The following RGS22 variants were observed in gnomAD, a reference collection of about 807,000 sequenced individuals.
RGS22 encodes regulator of G-protein signaling 22.
In RGS22, 148 loss-of-function variants were observed where a neutral mutation model predicts 172.9. The observed-to-expected ratio is 0.86, with a 90% confidence interval of 0.75 to 0.98. The LOEUF (loss-of-function observed/expected upper bound fraction) is 0.98, where lower values mean the gene tolerates loss of function less well. Among genes scored for constraint, RGS22 ranks in the 50% least tolerant of loss-of-function variants. The pLI is 0.00. For missense variants in RGS22, 1,347 were observed against 1,440.8 expected (o/e 0.93, Z 1.05); for synonymous variants, 458 against 480.2 (o/e 0.95, Z 0.60).
rs1195585282 is a variant in RGS22 at position 100,052,865 on chromosome 8, T to C, written c.1626A>G (p.Pro542=). The stretch of plus-strand genomic sequence containing the variant: ...TTAATGGCAAGAGGGTTGCCATTTG[T>C]GGAAAAGGGTCAATATCCTTCCTTG... ...AKPRKDIDPF[P]QMATLLPLRP... is the part of the protein sequence containing the mutation. The change falls in exon 10 of 28, where the codon CCA becomes CCG. Residue 542 remains proline (P), a synonymous_variant. Coordinates refer to ENST00000360863, the MANE Select transcript of RGS22 (RefSeq NM_015668.5). 2.5e-6 allele frequency: 4 copies of C among 1,614,022 alleles called. No homozygotes were observed. The Admixed American group carries it at 5.0e-5, about 20-fold the overall frequency.
At chr8:99,976,667 C>T (rs13256631) in intron 23 of RGS22, among the ~76,000 whole-genome samples, 6,851 of 152,254 alleles carry the variant, frequency 0.045, 236 homozygotes, top group Middle Eastern at 0.14. Context: ...GACTGAACCA[C>T]TGTCTTTAAA....
intron 21 of RGS22, among the ~76,000 whole-genome samples, chr8:99,986,245 T>C (rs7839417): frequency 0.02 from 2,986 of 152,174 alleles, 47 homozygotes; most frequent in African/African-American, 0.041. Flanking sequence ...AAAATTGTTT[T>C]TTAATATTAT....
At position 99,999,411 on chromosome 8, in the gene RGS22, A is replaced by G. The variant is rs1396830943; in HGVS notation, c.2800T>C (p.Leu934=). Residue 934 remains leucine (L), a synonymous_variant, in exon 19 of 28, where the codon TTA becomes CTA. Coordinates refer to ENST00000360863, the MANE Select transcript of RGS22 (RefSeq NM_015668.5). ...SLYQQNQVMH[L]SGGWGKILHE... ...AGAATCTTCCCCCAGCCACCACTTA[A>G]ATGCATTACCTAAGAAAATTAAGAT... The G allele has an allele frequency of 6.2e-7, 1 of 1,613,146 alleles. No individual in the cohort carries two copies. Among genetic ancestry groups the G allele is most frequent in the East Asian group, 2.2e-5 (1 of 44,858 alleles).
At chr8:100,090,768 T>G (rs967126642) in intron 3 of RGS22, among the ~76,000 whole-genome samples, 16 of 152,076 alleles carry the variant, frequency 1.1e-4, no homozygotes. Flanking sequence ...ATATTCATGT[T>G]TGAGAAGCAT....
intron 6 of RGS22, among the ~76,000 whole-genome samples, chr8:100,068,756 AC>A (rs1229582427): frequency 6.6e-6 from 1 of 152,022 alleles, no homozygotes; most frequent in African/African-American, 2.4e-5. Flanking sequence ...ACATGGCAAA[AC>A]CCCGTCTCTA....
At chr8:100,048,147 A>G (rs937903238) in intron 10 of RGS22, among the ~76,000 whole-genome samples, 1 of 152,174 alleles carries the variant, frequency 6.6e-6, no homozygotes, top group Non-Finnish European at 1.5e-5. Context: ...TAAATCCAGA[A>G]TATGAGATGC....
intron 10 of RGS22, among the ~76,000 whole-genome samples, chr8:100,049,884 T>C (rs1442145791): frequency 6.6e-6 from 1 of 151,714 alleles, no homozygotes; most frequent in African/African-American, 2.4e-5. Context: ...CCATCTCTAC[T>C]AAAAATACAA....
chr8:99,969,160 G>A (rs992262932), intron 23 of RGS22, among the ~76,000 whole-genome samples: 1 of 152,140 alleles, frequency 6.6e-6, no homozygotes, highest in African/African-American at 2.4e-5. Context: ...ATAAGTGAAG[G>A]AGAAATAATC....
At chr8:100,105,678 C>A (rs952087258) in intron 1 of RGS22, 3 of 569,416 alleles carry the variant, frequency 5.3e-6, no homozygotes, top group South Asian at 2.3e-5. Flanking sequence ...ATTCTACGTA[C>A]AATATGCAGA....
At chr8:100,015,646 G>A (rs1324064594) in intron 14 of RGS22, among the ~76,000 whole-genome samples, 1 of 151,998 alleles carries the variant, frequency 6.6e-6, no homozygotes, top group Non-Finnish European at 1.5e-5. Flanking sequence ...ACTCTTCCCT[G>A]CACTCCCCTT....
intron 20 of RGS22, 110 bp downstream of exon 20, chr8:99,996,352 T>C (rs1814382597): frequency 3.6e-6 from 3 of 840,572 alleles, no homozygotes; most frequent in South Asian, 3.1e-5. Flanking sequence ...GTTGTCAGTT[T>C]AGAAAACAGT....
At position 100,103,168 on chromosome 8, in the gene RGS22, C is replaced by T. The variant is rs1312040528; in HGVS notation, c.54+2206G>A. ...GGAGAAGGAAAAATCTAAAGGTAGA[C>T]AGAGCAAAGGAATAGGAAGTAATCT... On this transcript the variant is annotated intron_variant, in intron 2 of 27. Transcript: ENST00000360863. Among the ~76,000 whole-genome samples the T allele has an allele frequency of 1.1e-4, 17 of 152,142 alleles. 1 individual carries two copies. The highest frequency in any genetic ancestry group is 1.1e-3 in the Admixed American group (17 of 15,274).
chr8:99,964,279 C>T (rs1810497101), intron 24 of RGS22, among the ~76,000 whole-genome samples: 1 of 151,948 alleles, frequency 6.6e-6, no homozygotes, highest in Non-Finnish European at 1.5e-5. Context: ...ATGGCGAAAC[C>T]TCATCTCTAT....
chr8:99,987,390 A>C, intron 21 of RGS22, 68 bp downstream of exon 21: 2 of 1,267,278 alleles, frequency 1.6e-6, no homozygotes, highest in East Asian at 4.7e-5. Flanking sequence ...AAAGTTAGTT[A>C]AAAATCTGAC....
At chr8:99,988,869 C>T (rs1345383755) in intron 20 of RGS22, among the ~76,000 whole-genome samples, 6 of 152,126 alleles carry the variant, frequency 3.9e-5, no homozygotes, top group Non-Finnish European at 8.8e-5. Context: ...TTAAGACCCC[C>T]ACCATATGGT....
chr8:100,029,110 T>C (rs1411873567), intron 14 of RGS22, among the ~76,000 whole-genome samples: 1 of 152,128 alleles, frequency 6.6e-6, no homozygotes, highest in Non-Finnish European at 1.5e-5. Flanking sequence ...AGTCTAACAA[T>C]GTGTTACCCT....
intron 9 of RGS22, among the ~76,000 whole-genome samples, chr8:100,060,304 G>T (rs1810006360): frequency 6.7e-6 from 1 of 150,342 alleles, no homozygotes; most frequent in South Asian, 2.1e-4. Context: ...ACAAGGATTT[G>T]ATCATGTTTC....
rs1815663482 is a variant in RGS22, at chr8:100,006,043, T to C, written c.2428A>G (p.Lys810Glu). ...TCAGCTTTCTTGGAAAATGTCTCTT[T>C]ATGCAAAGCCTGTAGCTTTCTGAAG... ...TYFRKLQALH[K>E]ETFSKKAEDT... Residue 810 changes from lysine to glutamate, a missense_variant, in exon 16 of 28, where the codon AAA becomes GAA. By Grantham distance (56) the Lys-to-Glu change is moderately conservative. Coordinates refer to ENST00000360863, the MANE Select transcript of RGS22 (RefSeq NM_015668.5). 2 of 1,613,368 alleles carry C rather than the reference T, an allele frequency of 1.2e-6. No homozygotes were observed. The highest frequency in any genetic ancestry group is 2.7e-5 in the African/African-American group (2 of 74,998).
At chr8:100,060,040 G>A (rs150335960) in intron 9 of RGS22, among the ~76,000 whole-genome samples, 27 of 152,104 alleles carry the variant, frequency 1.8e-4, no homozygotes, top group Non-Finnish European at 1.8e-4. Context: ...TTGACTATAA[G>A]TTTACAGTTA....
Sources: gnomAD v4.1 joint callset for allele counts (sites outside exome capture counted in the v4.1 genomes callset) on GRCh38, gnomAD v4.1.1 for gene constraint, MANE v1.5 for transcripts, NCBI Gene and HGNC (gene_info 2026-07-23, HGNC 2026-07-21) for gene names.